MIA2: variants seen among roughly 807,000 people sequenced by gnomAD.
MIA2 encodes MIA SH3 domain ER export factor 2.
Under a neutral mutation model 167.8 loss-of-function variants are expected in MIA2, and 127 were observed. The ratio of observed to expected loss-of-function variants is 0.76; its 90% CI spans 0.66 to 0.88. The LOEUF (loss-of-function observed/expected upper bound fraction) is 0.88, where lower values mean the gene tolerates loss of function less well. Among genes scored for constraint, MIA2 ranks in the 40% least tolerant of loss-of-function variants. The pLI, the probability that MIA2 is intolerant of heterozygous loss-of-function variation, is 0.00. For missense variants in MIA2, 1,690 were observed against 1,624.7 expected, an observed-to-expected ratio of 1.04 and a Z score of -0.69; for synonymous variants, 552 against 541.9, an observed-to-expected ratio of 1.02 and a Z score of -0.26.
chr14:39,269,480 T>C (rs1342878316), intron 6 of MIA2, among the ~76,000 whole-genome samples: 1 of 152,126 alleles, frequency 6.6e-6, no homozygotes. Flanking sequence ...TCAAGGCTTA[T>C]CCATGTTGTA....
At chr14:39,290,733 A>T (rs2152821684) in intron 9 of MIA2, among the ~76,000 whole-genome samples, 1 of 152,330 alleles carries the variant, frequency 6.6e-6, no homozygotes, top group East Asian at 1.9e-4. Flanking sequence ...CATTTTTAGT[A>T]AAAGATGCTA....
At chr14:39,327,146 A>G (rs2067735200) in intron 25 of MIA2, 124 bp downstream of exon 25, 1 of 654,618 alleles carries the variant, frequency 1.5e-6, no homozygotes, top group South Asian at 5.9e-5. Flanking sequence ...TACATTTTTG[A>G]AAACAACAAT....
chr14:39,259,666 G>T (rs1240821835), intron 6 of MIA2, among the ~76,000 whole-genome samples: 1 of 149,708 alleles, frequency 6.7e-6, no homozygotes, highest in Non-Finnish European at 1.5e-5. Flanking sequence ...GAGTAGCTGG[G>T]ATTACAGGCA....
At chr14:39,274,819 A>G (rs1415319445) in intron 6 of MIA2, among the ~76,000 whole-genome samples, 1 of 144,928 alleles carries the variant, frequency 6.9e-6, no homozygotes, top group South Asian at 2.2e-4. Flanking sequence ...TTTTTTTTGT[A>G]ATCCCAGCAC....
chr14:39,336,303 G>A (rs1334484434), intron 25 of MIA2, among the ~76,000 whole-genome samples: 1 of 152,156 alleles, frequency 6.6e-6, no homozygotes, highest in Non-Finnish European at 1.5e-5. Flanking sequence ...TCTGACTAGT[G>A]TGAGGTGGAA....
At chr14:39,346,991 T>A in intron 26 of MIA2, 1 of 219,764 alleles carries the variant, frequency 4.6e-6, no homozygotes, top group Non-Finnish European at 9.2e-6. Flanking sequence ...GTGCAGTGGC[T>A]CCATCTCGGC....
chr14:39,287,679 C>A (rs1316314725), intron 9 of MIA2, among the ~76,000 whole-genome samples: 1 of 151,992 alleles, frequency 6.6e-6, no homozygotes, highest in Non-Finnish European at 1.5e-5. Context: ...TCTCCTGCGT[C>A]AGCCTCCTGA....
intron 23 of MIA2, among the ~76,000 whole-genome samples, chr14:39,375,651 C>T (rs1173349595): frequency 1.3e-5 from 2 of 152,154 alleles, no homozygotes; most frequent in East Asian, 3.9e-4. Flanking sequence ...GAGTGGAGAT[C>T]AGGCCACTAC....
chr14:39,292,799 A>C (rs1312991456), intron 10 of MIA2: 1 of 175,468 alleles, frequency 5.7e-6, no homozygotes, highest in Non-Finnish European at 1.2e-5. Flanking sequence ...GTCTTAATTC[A>C]ATATGGAATA....
rs905644623 is a variant in MIA2, at chr14:39,349,064, A to G, written c.4072+87A>G. ...TTTTACTATCTGTTAATGTAGTAAC[A>G]CAGTGGAGGAAAGTTTTTTCTAGCA... On this transcript the variant is annotated intron_variant, in intron 28 of 28. Coordinates refer to ENST00000640607, the MANE Select transcript of MIA2 (RefSeq NM_001329214.4). The G allele has an allele frequency of 4.1e-6, 6 of 1,457,540 alleles. No individual in the cohort carries two copies. The African/African-American group carries it at 7.1e-5, about 17-fold the overall frequency. The allele number at this position is 1,457,540 out of a possible 1,614,324, so 90.3% of individuals were successfully genotyped here.
chr14:39,337,115 C>CTAT (rs1307519033), intron 25 of MIA2, among the ~76,000 whole-genome samples: 2 of 152,084 alleles, frequency 1.3e-5, no homozygotes, highest in Admixed American at 6.6e-5. Flanking sequence ...TATATAGTGA[C>CTAT]ATAACCATAT....
At chr14:39,323,133 T>TA (rs369215443) in intron 24 of MIA2, among the ~76,000 whole-genome samples, 178 of 152,344 alleles carry the variant, frequency 1.2e-3, no homozygotes, top group African/African-American at 4.1e-3. Flanking sequence ...AAAATCAACT[T>TA]ACTACTGTAT....
intron 2 of MIA2, among the ~76,000 whole-genome samples, chr14:39,238,685 C>T (rs1344692067): frequency 6.7e-6 from 1 of 149,294 alleles, no homozygotes; most frequent in Non-Finnish European, 1.5e-5. Context: ...AAGCCAGTTA[C>T]TTGAGAGGCT....
chr14:39,293,153 G>C, intron 10 of MIA2, 118 bp from the exon 11 acceptor site: 1 of 739,192 alleles, frequency 1.4e-6, no homozygotes. Context: ...TTATAAAAAT[G>C]AGCAAATGTA....
Position 39,304,613 on chromosome 14 carries a change from A to T in MIA2, c.2878+232A>T, listed in dbSNP as rs544283088. 2.0e-4 allele frequency among the ~76,000 whole-genome samples: 30 copies of T among 152,252 alleles called. No homozygotes were observed. In the East Asian group the frequency reaches 5.2e-3, roughly 26 times the overall value. On this transcript the variant is annotated intron_variant, in intron 17 of 28. Transcript: ENST00000640607. Reference sequence around the variant, plus strand: ...TGAAGTTAAAATAAGGAAATTTTTTAAAAAACATGTAAAACCGTATTTATC... The same window carrying T: ...TGAAGTTAAAATAAGGAAATTTTTTTAAAAACATGTAAAACCGTATTTATC...
intron 13 of MIA2, among the ~76,000 whole-genome samples, chr14:39,296,583 G>C (rs2061448451): frequency 6.9e-6 from 1 of 145,782 alleles, no homozygotes; most frequent in African/African-American, 2.5e-5. Flanking sequence ...GCCTGGCCAC[G>C]GGCGGGGTTT....
At chr14:39,341,358 CAT>C (rs1388369524) in intron 25 of MIA2, among the ~76,000 whole-genome samples, 1 of 151,886 alleles carries the variant, frequency 6.6e-6, no homozygotes, top group African/African-American at 2.4e-5. Flanking sequence ...GATAATATAA[CAT>C]ATTTATTTGC....
chr14:39,340,619 C>T (rs1163522150), intron 25 of MIA2, among the ~76,000 whole-genome samples: 1 of 152,140 alleles, frequency 6.6e-6, no homozygotes, highest in South Asian at 2.1e-4. Context: ...TCATTTTGAT[C>T]TCTTTGATGA....
intron 23 of MIA2, among the ~76,000 whole-genome samples, chr14:39,368,848 AG>A (rs1264140788): frequency 6.6e-6 from 1 of 151,906 alleles, no homozygotes; most frequent in African/African-American, 2.4e-5. Context: ...TTGTTTCTTT[AG>A]TTCAAACTTT....
Sources: allele counts gnomAD v4.1 joint callset (sites outside exome capture counted in the v4.1 genomes callset), GRCh38; gene constraint gnomAD v4.1.1; transcripts MANE v1.5; gene names NCBI Gene and HGNC (gene_info 2026-07-23, HGNC 2026-07-21).